The following ANO1 variants were observed in gnomAD, a reference collection of about 807,000 sequenced individuals.
ANO1 encodes the protein anoctamin 1.
A neutral mutation model predicts 124.0 loss-of-function variants in ANO1; 59 were observed. That is an observed-to-expected ratio of 0.48 (90% CI 0.39 to 0.59). The LOEUF (loss-of-function observed/expected upper bound fraction) is 0.59, where lower values mean the gene tolerates loss of function less well. ANO1 is among the 20% of genes least tolerant of loss of function. The pLI is 0.00. For missense variants in ANO1, 1,059 were observed against 1,328.0 expected, an observed-to-expected ratio of 0.80 and a Z score of 3.15; for synonymous variants, 529 against 532.0, an observed-to-expected ratio of 0.99 and a Z score of 0.08.
chr11:70,074,927 T>A (rs952892824), upstream of ANO1: 2 of 152,326 alleles, frequency 1.3e-5, no homozygotes, highest in African/African-American at 4.8e-5. Context: ...CTCCCTGGCC[T>A]GGACTCACCA....
chr11:69,971,816 G>C, the ANO1 span, among the ~76,000 whole-genome samples: 3,658 of 152,186 alleles, frequency 0.024, 86 homozygotes, highest in African/African-American at 0.056. Context: ...TCACCTTCAC[G>C]ACTGCCGGAA....
rs558530949 is a variant in ANO1, at chr11:70,135,178, C to T, written c.1258+3099C>T. Among the ~76,000 whole-genome samples the T allele has an allele frequency of 7.2e-5, 11 of 152,214 alleles. No individual in the cohort carries two copies. The East Asian group carries it at 1.2e-3, about 16-fold the overall frequency. On this transcript the variant is annotated intron_variant, in intron 11 of 25. Coordinates refer to ENST00000355303, the MANE Select transcript of ANO1 (RefSeq NM_018043.7). The stretch of plus-strand genomic sequence containing the variant: ...CCCTCCCTCCCTGGCCCTGGGGACC[C>T]TGATTTCATCCGTCTGTTTCCTCTT...
At chr11:70,098,516 C>A (rs1055085332) in intron 2 of ANO1, among the ~76,000 whole-genome samples, 2 of 152,190 alleles carry the variant, frequency 1.3e-5, no homozygotes, top group Non-Finnish European at 2.9e-5. Context: ...CCCTCCAGCA[C>A]CCCGACGCCA....
intron 22 of ANO1, among the ~76,000 whole-genome samples, chr11:70,173,775 G>A (rs1327972665): frequency 6.6e-6 from 1 of 152,294 alleles, no homozygotes; most frequent in East Asian, 1.9e-4. Context: ...CCAGGGCCGG[G>A]CGCAGTGGCT....
At chr11:70,010,748 G>C (rs1856586557) in intron 1 of ANO1, among the ~76,000 whole-genome samples, 1 of 152,172 alleles carries the variant, frequency 6.6e-6, no homozygotes, top group African/African-American at 2.4e-5. Context: ...CCTGGTCCCT[G>C]CTATTCCTCC....
chr11:70,178,401 G>T (rs2048811098), intron 22 of ANO1, among the ~76,000 whole-genome samples: 1 of 152,048 alleles, frequency 6.6e-6, no homozygotes, highest in Non-Finnish European at 1.5e-5. Context: ...AAAATAAACT[G>T]AGGACCACTG....
chr11:70,185,671 G>C lies in ANO1; in HGVS notation c.2670G>C (p.Arg890=). The C allele has an allele frequency of 1.2e-6, 2 of 1,613,902 alleles. No individual in the cohort carries two copies. The highest frequency in any genetic ancestry group is 1.7e-6 in the Non-Finnish European group (2 of 1,179,812). ...ACTTCTGGGCCGTCCTGGCAGCCCG[G>C]CTGGCGTTTGTCATCGTCTTCCAGG... is the stretch of plus-strand genomic sequence containing the variant. ...SKDFWAVLAA[R]LAFVIVFQNL... is the part of the protein sequence containing the mutation. Residue 890 remains arginine, a synonymous_variant, in exon 25 of 26, where the codon CGG becomes CGC. Coordinates refer to ENST00000355303, the MANE Select transcript of ANO1 (RefSeq NM_018043.7).
At chr11:69,976,319 C>G in the ANO1 span, among the ~76,000 whole-genome samples, 1 of 152,072 alleles carries the variant, frequency 6.6e-6, no homozygotes. Flanking sequence ...ACCATCCTGG[C>G]TAACACGGTG....
chr11:70,016,454 T>C (rs1273981191), intron 1 of ANO1: 1 of 152,230 alleles, frequency 6.6e-6, no homozygotes, highest in Admixed American at 6.5e-5. Flanking sequence ...GATCTGGAAG[T>C]GAAGAGAAGA....
intron 1 of ANO1, among the ~76,000 whole-genome samples, chr11:69,989,715 G>C (rs1554997246): frequency 6.6e-6 from 1 of 152,184 alleles, no homozygotes; most frequent in African/African-American, 2.4e-5. Context: ...TGATGGGCCA[G>C]GGGCAGAAGC....
At chr11:70,027,494 G>A (rs1013661977) in intron 1 of ANO1, among the ~76,000 whole-genome samples, 4 of 152,190 alleles carry the variant, frequency 2.6e-5, no homozygotes, top group South Asian at 2.1e-4. Flanking sequence ...AATCCTCAGC[G>A]GAACTACCGC....
At chr11:69,988,439 G>A (rs1364178485) in intron 1 of ANO1, among the ~76,000 whole-genome samples, 2 of 152,200 alleles carry the variant, frequency 1.3e-5, no homozygotes, top group African/African-American at 4.8e-5. Flanking sequence ...AAGGACTTGA[G>A]TTCATAGCCT....
rs1377330672 is a variant in ANO1 at position 70,078,584 on chromosome 11, G to C, written c.-23G>C. 7 of 1,444,988 alleles carry C rather than the reference G, an allele frequency of 4.8e-6. No individual in the cohort carries two copies. Among genetic ancestry groups the C allele is most frequent in the Non-Finnish European group, 6.5e-6 (7 of 1,083,836 alleles). 89.5% of individuals were successfully genotyped at this position (1,444,988 alleles called of 1,614,324 possible). On this transcript the variant is annotated 5_prime_UTR_variant, in exon 1 of 26. Coordinates refer to ENST00000355303, the MANE Select transcript of ANO1 (RefSeq NM_018043.7). Reference sequence around the variant, plus strand: ...GATGGGGAGGGCGCGCCGCCCGGCGGTCCCAGCGCACAGGCGGCCACGATG... The same window carrying C: ...GATGGGGAGGGCGCGCCGCCCGGCGCTCCCAGCGCACAGGCGGCCACGATG...
At chr11:70,130,794 C>G (rs1238429930) in intron 10 of ANO1, among the ~76,000 whole-genome samples, 1 of 152,206 alleles carries the variant, frequency 6.6e-6, no homozygotes, top group African/African-American at 2.4e-5. Flanking sequence ...CCCGAGTGAG[C>G]CTACAGGGTG....
intron 1 of ANO1, among the ~76,000 whole-genome samples, chr11:70,008,849 C>G (rs1305281993): frequency 2.6e-5 from 4 of 152,166 alleles, no homozygotes; most frequent in Non-Finnish European, 5.9e-5. Context: ...GCTCTCCCTT[C>G]CCTCTTGTTG....
At chr11:70,041,132 G>T (rs1280851733) in intron 1 of ANO1, among the ~76,000 whole-genome samples, 1 of 152,142 alleles carries the variant, frequency 6.6e-6, no homozygotes, top group Non-Finnish European at 1.5e-5. Context: ...GACAGTAGGG[G>T]CAGGGGATGC....
intron 1 of ANO1, among the ~76,000 whole-genome samples, chr11:70,036,620 T>C (rs1857098349): frequency 6.6e-6 from 1 of 152,162 alleles, no homozygotes; most frequent in South Asian, 2.1e-4. Context: ...TTTGTTTTGT[T>C]TTTTTAAGAC....
intron 22 of ANO1, among the ~76,000 whole-genome samples, chr11:70,173,875 A>G (rs1294199475): frequency 6.6e-6 from 1 of 152,014 alleles, no homozygotes; most frequent in Non-Finnish European, 1.5e-5. Context: ...ATATGGTGAA[A>G]CTGCGTCTCT....
At chr11:69,988,977 G>T (rs1216204663) in intron 1 of ANO1, among the ~76,000 whole-genome samples, 2 of 151,758 alleles carry the variant, frequency 1.3e-5, no homozygotes, top group Non-Finnish European at 2.9e-5. Context: ...GACAGGGAAG[G>T]AGGGAAGTAG....
Sources: gnomAD v4.1 joint callset for allele counts (sites outside exome capture counted in the v4.1 genomes callset) on GRCh38, gnomAD v4.1.1 for gene constraint, MANE v1.5 for transcripts, NCBI Gene and HGNC (gene_info 2026-07-23, HGNC 2026-07-21) for gene names.